The following CAMTA1 variants were observed in gnomAD, a reference collection of about 807,000 sequenced individuals.
The protein encoded by CAMTA1 is calmodulin-binding transcription activator 1.
Under a neutral mutation model 170.9 loss-of-function variants are expected in CAMTA1, and 27 were observed. The ratio of observed to expected loss-of-function variants is 0.16; its 90% CI spans 0.12 to 0.22. CAMTA1 has a LOEUF of 0.22. CAMTA1 is among the 10% of genes least tolerant of loss of function. The probability of loss-of-function intolerance (pLI) is 1.00; values close to 1 mark genes in which losing one functional copy is unlikely to be tolerated. For missense variants in CAMTA1, 1,619 were observed against 2,217.2 expected (o/e 0.73, Z 5.42); for synonymous variants, 833 against 891.5 (o/e 0.93, Z 1.17).
chr1:6,927,102 G>C (rs149364170), intron 3 of CAMTA1, among the ~76,000 whole-genome samples: 4 of 151,560 alleles, frequency 2.6e-5, no homozygotes, highest in African/African-American at 9.7e-5. Flanking sequence ...ATAACTCACT[G>C]TAGCCTCAAA....
At chr1:7,655,117 T>C (rs200673325) in intron 7 of CAMTA1, among the ~76,000 whole-genome samples, 13 of 110,274 alleles carry the variant, frequency 1.2e-4, no homozygotes, top group African/African-American at 3.6e-4. Context: ...CACACACCTA[T>C]ACACACACCT....
intron 5 of CAMTA1, among the ~76,000 whole-genome samples, chr1:7,391,184 A>G (rs2088669397): frequency 1.3e-5 from 2 of 151,900 alleles, no homozygotes; most frequent in Admixed American, 1.3e-4. Flanking sequence ...TTTAGTAGAG[A>G]TGGGGTTTCT....
intron 5 of CAMTA1, among the ~76,000 whole-genome samples, chr1:7,254,824 T>G (rs1473652779): frequency 2.0e-5 from 3 of 152,192 alleles, no homozygotes; most frequent in Admixed American, 2.0e-4. Context: ...TTGCAGCCAC[T>G]GGAAAACATT....
chr1:7,523,810 G>T (rs2094396825), intron 6 of CAMTA1, among the ~76,000 whole-genome samples: 1 of 151,984 alleles, frequency 6.6e-6, no homozygotes, highest in Non-Finnish European at 1.5e-5. Flanking sequence ...GTGAACCTGG[G>T]AGGCAGAGCT....
intron 3 of CAMTA1, among the ~76,000 whole-genome samples, chr1:7,048,157 A>T (rs888995003): frequency 6.6e-6 from 1 of 151,976 alleles, no homozygotes; most frequent in Non-Finnish European, 1.5e-5. Flanking sequence ...ACTTGTGGGG[A>T]TCAAGATTTT....
intron 5 of CAMTA1, among the ~76,000 whole-genome samples, chr1:7,331,284 A>G (rs2083018210): frequency 6.6e-6 from 1 of 152,122 alleles, no homozygotes; most frequent in Non-Finnish European, 1.5e-5. Context: ...CCCATGCCAG[A>G]CTTTCAGAGG....
chr1:7,131,111 G>T (rs9434476), intron 4 of CAMTA1, among the ~76,000 whole-genome samples: 1 of 151,852 alleles, frequency 6.6e-6, no homozygotes, highest in East Asian at 1.9e-4. Flanking sequence ...GCGCCATCAT[G>T]CCTGGCTAAT....
At chr1:7,149,742 G>T (rs1646460114) in intron 4 of CAMTA1, among the ~76,000 whole-genome samples, 1 of 152,220 alleles carries the variant, frequency 6.6e-6, no homozygotes, top group Non-Finnish European at 1.5e-5. Flanking sequence ...CATGTTCCCG[G>T]AATAACTCCG....
chr1:7,138,603 T>A (rs550111547), intron 4 of CAMTA1, among the ~76,000 whole-genome samples: 8 of 152,366 alleles, frequency 5.3e-5, no homozygotes, highest in African/African-American at 1.9e-4. Flanking sequence ...GTTGTGGGCA[T>A]CATTTCTCTG....
At chr1:6,876,535 G>A (rs1367144214) in intron 3 of CAMTA1, among the ~76,000 whole-genome samples, 1 of 151,930 alleles carries the variant, frequency 6.6e-6, no homozygotes, top group African/African-American at 2.4e-5. Context: ...ACTAATTTTT[G>A]TATTTTTAGT....
chr1:7,710,600 C>CAA (rs60019262), intron 11 of CAMTA1, among the ~76,000 whole-genome samples: 18 of 82,748 alleles, frequency 2.2e-4, no homozygotes, highest in African/African-American at 7.3e-4. Context: ...GACCCTGTCT[C>CAA]AAAAAAAAAA....
At chr1:7,009,700 C>T (rs573414822) in intron 3 of CAMTA1, among the ~76,000 whole-genome samples, 40 of 152,362 alleles carry the variant, frequency 2.6e-4, no homozygotes, top group Non-Finnish European at 5.0e-4. Flanking sequence ...CCGGGCTGCA[C>T]TCCCAACCTT....
chr1:7,491,400 G>A (rs1183596479), intron 6 of CAMTA1, among the ~76,000 whole-genome samples: 2 of 152,184 alleles, frequency 1.3e-5, no homozygotes, highest in East Asian at 1.9e-4. Context: ...TTCTGGAAAA[G>A]GCCAAAACTA....
chr1:6,946,188 C>CTTTT (rs58150091), intron 3 of CAMTA1, among the ~76,000 whole-genome samples: 1 of 145,506 alleles, frequency 6.9e-6, no homozygotes. Context: ...TCTTTCTCTT[C>CTTTT]TTTTTTTTTT....
intron 5 of CAMTA1, among the ~76,000 whole-genome samples, chr1:7,451,682 C>G (rs1334600400): frequency 6.6e-6 from 1 of 152,124 alleles, no homozygotes; most frequent in African/African-American, 2.4e-5. Context: ...TCACTGAGCA[C>G]GTTCTCTGTG....
intron 6 of CAMTA1, among the ~76,000 whole-genome samples, chr1:7,636,399 C>A (rs941757412): frequency 6.6e-6 from 1 of 152,186 alleles, no homozygotes; most frequent in African/African-American, 2.4e-5. Flanking sequence ...TGTATCTTAC[C>A]TTCCTAGCAA....
intron 3 of CAMTA1, among the ~76,000 whole-genome samples, chr1:6,895,436 G>A (rs1212879543): frequency 6.6e-6 from 1 of 152,144 alleles, no homozygotes; most frequent in African/African-American, 2.4e-5. Flanking sequence ...TTCCTGTGTG[G>A]ACTTCATGTC....
At chr1:7,688,263 C>T (rs1020879353) in intron 11 of CAMTA1, among the ~76,000 whole-genome samples, 1 of 152,242 alleles carries the variant, frequency 6.6e-6, no homozygotes, top group Non-Finnish European at 1.5e-5. Context: ...CCTCGGCCTC[C>T]CAAAGTGCTG....
At chr1:7,691,210 G>C (rs1373419847) in intron 11 of CAMTA1, among the ~76,000 whole-genome samples, 1 of 152,188 alleles carries the variant, frequency 6.6e-6, no homozygotes, top group Non-Finnish European at 1.5e-5. Flanking sequence ...TCCCTGAAGA[G>C]AGAAGGCAAA....
Sources: gnomAD v4.1 joint callset for allele counts (sites outside exome capture counted in the v4.1 genomes callset) on GRCh38, gnomAD v4.1.1 for gene constraint, MANE v1.5 for transcripts, NCBI Gene and HGNC (gene_info 2026-07-23, HGNC 2026-07-21) for gene names.